The following IL1RAPL1 variants were observed in gnomAD, a reference collection of about 807,000 sequenced individuals.
IL1RAPL1 encodes the protein interleukin 1 receptor accessory protein like 1.
A neutral mutation model predicts 48.4 loss-of-function variants in IL1RAPL1; 3 were observed. The ratio of observed to expected loss-of-function variants is 0.06; its 90% CI spans 0.03 to 0.16. The LOEUF is 0.16. IL1RAPL1 is among the 10% of genes least tolerant of loss of function. The probability of loss-of-function intolerance (pLI) is 1.00; values close to 1 mark genes in which losing one functional copy is unlikely to be tolerated. For missense variants in IL1RAPL1, 349 were observed against 530.6 expected (o/e 0.66, Z 3.36); for synonymous variants, 185 against 187.7 (o/e 0.99, Z 0.12).
intron 2 of IL1RAPL1, among the ~76,000 whole-genome samples, chrX:29,217,773 TCTCTCACACACACA>T (rs1441901030): frequency 9.4e-4 from 67 of 71,051 alleles, no homozygotes; most frequent in East Asian, 6.8e-3. Flanking sequence ...TCTCTCTCTC[TCTCTCACACACACA>T]CACACACACA....
At chrX:29,169,563 T>C (rs1363371315) in intron 2 of IL1RAPL1, among the ~76,000 whole-genome samples, 1 of 110,832 alleles carries the variant, frequency 9.0e-6, no homozygotes, top group Non-Finnish European at 1.9e-5. Context: ...TCCAAAAATA[T>C]ATGGTCATTT....
chrX:29,864,516 T>C (rs931969426), intron 6 of IL1RAPL1, among the ~76,000 whole-genome samples: 7 of 112,064 alleles, frequency 6.2e-5, no homozygotes, highest in African/African-American at 2.3e-4. Context: ...TGAGTTTCCA[T>C]TGGTGTAATT....
At position 28,756,018 on chromosome X, in the gene IL1RAPL1, T is replaced by G. The variant is rs7887629; in HGVS notation, c.-24-33302T>G. Among the ~76,000 whole-genome samples the G allele has an allele frequency of 4.9e-3, 546 of 111,871 alleles. 3 individuals are homozygous for G. The highest frequency in any genetic ancestry group is 0.016 in the African/African-American group (500 of 30,796). On this transcript the variant is annotated intron_variant, in intron 1 of 10. Transcript: ENST00000378993. ...GCCCACTTTTCTATGCACAGAGCTA[T>G]TTTTTATACACCCTGCTTCAGTATT...
In IL1RAPL1 at chrX:29,613,624, A is replaced by T. The variant is rs1308803822; in HGVS notation, c.704-54806A>T. 4.5e-5 allele frequency among the ~76,000 whole-genome samples: 5 copies of T among 110,807 alleles called. No homozygotes were observed. In the East Asian group the frequency reaches 1.4e-3, roughly 31 times the overall value. ...ACAAAAACAGTTTGCTATAAATGAT[A>T]GATAAATGATAGGACTGAAAGGGAT... is the stretch of plus-strand genomic sequence containing the variant. On this transcript the variant is annotated intron_variant, in intron 5 of 10. Transcript: ENST00000378993.
intron 2 of IL1RAPL1, among the ~76,000 whole-genome samples, chrX:28,999,695 C>A (rs998986092): frequency 1.8e-5 from 2 of 111,727 alleles, no homozygotes; most frequent in Non-Finnish European, 3.8e-5. Flanking sequence ...CCTTTTCAGA[C>A]CAGCTTCACC....
chrX:29,779,191 T>C (rs961150285), intron 6 of IL1RAPL1, among the ~76,000 whole-genome samples: 9 of 111,789 alleles, frequency 8.1e-5, no homozygotes, highest in African/African-American at 2.9e-4. Context: ...TCTACAAATG[T>C]CCAAATGGGA....
chrX:29,548,837 A>C (rs780433143), intron 5 of IL1RAPL1, among the ~76,000 whole-genome samples: 1 of 112,085 alleles, frequency 8.9e-6, no homozygotes, highest in African/African-American at 3.2e-5. Flanking sequence ...TGTGCAGATA[A>C]GGTGGCAATG....
At chrX:29,746,218 C>G (rs935800534) in intron 6 of IL1RAPL1, among the ~76,000 whole-genome samples, 1 of 111,803 alleles carries the variant, frequency 8.9e-6, no homozygotes, top group Non-Finnish European at 1.9e-5. Context: ...TCTTCAAACT[C>G]TAATAATTTG....
chrX:28,787,592 A>T (rs1936487962), intron 1 of IL1RAPL1, among the ~76,000 whole-genome samples: 1 of 111,785 alleles, frequency 8.9e-6, no homozygotes, highest in African/African-American at 3.3e-5. Flanking sequence ...GCTATTACAA[A>T]TTCACTGATT....
intron 2 of IL1RAPL1, among the ~76,000 whole-genome samples, chrX:29,111,956 G>C (rs1353066278): frequency 1.2e-5 from 1 of 83,342 alleles, no homozygotes; most frequent in Non-Finnish European, 2.2e-5. Context: ...TTGAGACGGC[G>C]TCTCACTCTG....
At chrX:29,299,554 C>T (rs1051125587) in intron 3 of IL1RAPL1, among the ~76,000 whole-genome samples, 2 of 111,794 alleles carry the variant, frequency 1.8e-5, no homozygotes, top group African/African-American at 6.5e-5. Context: ...CACAAAAAAG[C>T]TTGGAAACCC....
intron 6 of IL1RAPL1, among the ~76,000 whole-genome samples, chrX:29,891,727 C>A (rs189215356): frequency 1.8e-5 from 2 of 111,305 alleles, no homozygotes; most frequent in African/African-American, 6.5e-5. Flanking sequence ...GAAAAGAAAT[C>A]TTCCTAGGTT....
chrX:29,279,208 G>A (rs1932162689), intron 2 of IL1RAPL1, among the ~76,000 whole-genome samples: 1 of 111,978 alleles, frequency 8.9e-6, no homozygotes, highest in African/African-American at 3.2e-5. Flanking sequence ...GGAGACCAAG[G>A]TGGGCAGATC....
At chrX:29,864,110 A>G (rs1931646527) in intron 6 of IL1RAPL1, among the ~76,000 whole-genome samples, 1 of 112,383 alleles carries the variant, frequency 8.9e-6, no homozygotes, top group African/African-American at 3.2e-5. Flanking sequence ...AATTCAGTAA[A>G]TGTGGGACTC....
At chrX:29,057,189 C>T (rs750413130) in intron 2 of IL1RAPL1, among the ~76,000 whole-genome samples, 1 of 111,428 alleles carries the variant, frequency 9.0e-6, no homozygotes, top group East Asian at 2.8e-4. Flanking sequence ...AAAATGATGA[C>T]CTCATCATGA....
At chrX:29,843,509 A>G (rs1404529445) in intron 6 of IL1RAPL1, among the ~76,000 whole-genome samples, 1 of 111,888 alleles carries the variant, frequency 8.9e-6, no homozygotes, top group Non-Finnish European at 1.9e-5. Flanking sequence ...AAATTGCCAC[A>G]GACTTAGAGG....
At chrX:28,967,860 A>G (rs1212678656) in intron 2 of IL1RAPL1, among the ~76,000 whole-genome samples, 1 of 112,269 alleles carries the variant, frequency 8.9e-6, no homozygotes, top group African/African-American at 3.2e-5. Context: ...AGGGGTGTAA[A>G]AATCATCTTT....
At chrX:29,080,976 CTTTCTTTCTTTCTTTCTT>C (rs1291515725) in intron 2 of IL1RAPL1, among the ~76,000 whole-genome samples, 23 of 43,881 alleles carry the variant, frequency 5.2e-4, no homozygotes, top group East Asian at 3.0e-3. Context: ...TTCTTTCTTT[CTTTCTTTCTTTCTTTCTT>C]TCTCTCTCTC....
chrX:28,917,999 C>G (rs1204886958), intron 2 of IL1RAPL1, among the ~76,000 whole-genome samples: 1 of 112,151 alleles, frequency 8.9e-6, no homozygotes, highest in Non-Finnish European at 1.9e-5. Context: ...AAGTTGAGCT[C>G]CATCTGCCTG....
Sources: gnomAD v4.1 joint callset for allele counts (sites outside exome capture counted in the v4.1 genomes callset) on GRCh38, gnomAD v4.1.1 for gene constraint, MANE v1.5 for transcripts, NCBI Gene and HGNC (gene_info 2026-07-23, HGNC 2026-07-21) for gene names.